ANKLE2: variants seen among roughly 807,000 people sequenced by gnomAD.
ANKLE2 encodes ankyrin repeat and LEM domain containing 2, also known as ankyrin repeat and LEM domain-containing protein 2.
Under a neutral mutation model 84.2 loss-of-function variants are expected in ANKLE2, and 55 were observed. The observed-to-expected ratio is 0.65, with a 90% CI of 0.53 to 0.82. The LOEUF is 0.82. Among genes scored for constraint, ANKLE2 ranks in the 40% least tolerant of loss-of-function variants. The pLI, the probability that ANKLE2 is intolerant of heterozygous loss-of-function variation, is 0.00. For synonymous variants in ANKLE2, 551 were observed against 486.1 expected (o/e 1.13, Z -1.76); for missense variants, 1,238 against 1,201.9 (o/e 1.03, Z -0.44).
chr12:132,740,965 C>T (rs766929152), intron 7 of ANKLE2, among the ~76,000 whole-genome samples: 3 of 150,390 alleles, frequency 2.0e-5, no homozygotes, highest in Non-Finnish European at 3.0e-5. Flanking sequence ...TGACAGGGAG[C>T]GACCCCCACC....
rs368798125 is a variant in ANKLE2, at chr12:132,754,761, G to T, written c.554C>A (p.Thr185Asn). ...TCSVPPSDTD[T>N]YRAGATASKE... is the part of the protein sequence containing the mutation. ...AGACGCAGTCGCTCCAGCTCTGTAGGTGTCGGTGTCACTAGGGGGCACCGA... is the reference window on the plus strand; with the variant it reads ...AGACGCAGTCGCTCCAGCTCTGTAGTTGTCGGTGTCACTAGGGGGCACCGA... Residue 185 changes from threonine (T) to asparagine (N), a missense_variant, in exon 2 of 13, where the codon ACC becomes AAC. Coordinates refer to ENST00000357997, the MANE Select transcript of ANKLE2 (RefSeq NM_015114.3). 6 of 1,613,994 alleles carry T rather than the reference G, an allele frequency of 3.7e-6. No homozygotes were observed. Among genetic ancestry groups the T allele is most frequent in the Non-Finnish European group, 5.1e-6 (6 of 1,180,032 alleles).
chr12:132,755,015 G>A lies in ANKLE2; in HGVS notation c.300C>T (p.Phe100=), dbSNP rs754509463. Residue 100 remains phenylalanine (F), a synonymous_variant, in exon 2 of 13, where the codon TTC becomes TTT. Coordinates refer to ENST00000357997, the MANE Select transcript of ANKLE2 (RefSeq NM_015114.3). The part of the protein sequence containing the change: ...KCGPITSTTR[F]IFEKKLAQAL... The stretch of plus-strand genomic sequence containing the variant: ...CCTGAGCCAATTTTTTCTCAAAAAT[G>A]AACCTTGTAGTTGATGTAATGGGTC... 1 of 1,614,056 alleles carries A rather than the reference G, an allele frequency of 6.2e-7. No individual in the cohort carries two copies.
Position 132,727,418 on chromosome 12 carries a change from T to A in ANKLE2, c.2641A>T (p.Arg881Trp). 1 of 1,559,340 alleles carries A rather than the reference T, an allele frequency of 6.4e-7. No homozygotes were observed. The highest frequency in any genetic ancestry group is 8.7e-7 in the Non-Finnish European group (1 of 1,151,520). Residue 881 changes from arginine to tryptophan, a missense_variant, in exon 13 of 13, where the codon AGG becomes TGG. Physicochemically the swap from Arg to Trp is moderately radical, Grantham distance 101. Around this residue, in one of 3 missense-constraint regions of ANKLE2, gnomAD observed 802 missense variants for 774.5 expected, o/e 1.04. Transcript: ENST00000357997. ...QSWPSPAVKGRFKSQLPDLSG... is the reference protein window; with the variant it reads ...QSWPSPAVKGWFKSQLPDLSG... ...AGATCTGGCAGCTGAGACTTGAACC[T>A]TCCTTTCACCGCGGGACTGGGCCAA...
intron 3 of ANKLE2, among the ~76,000 whole-genome samples, chr12:132,749,342 G>C (rs974491948): frequency 6.6e-6 from 1 of 151,678 alleles, no homozygotes; most frequent in Non-Finnish European, 1.5e-5. Context: ...TTTTAATAGA[G>C]ACGGGGTTTC....
At chr12:132,733,403 T>G (rs542867499) in intron 10 of ANKLE2, among the ~76,000 whole-genome samples, 2 of 148,878 alleles carry the variant, frequency 1.3e-5, no homozygotes, top group African/African-American at 5.0e-5. Flanking sequence ...TGTGAAGCTC[T>G]CTGCGTCCTG....
In ANKLE2 at chr12:132,750,896, G is replaced by GAGCTGTC. The variant is rs2044341276; in HGVS notation, c.641-54_641-48dup. 1.9e-6 allele frequency: 3 copies of GAGCTGTC among 1,550,154 alleles called. No individual in the cohort carries two copies. The Admixed American group carries it at 5.0e-5, about 26-fold the overall frequency. On this transcript the variant is annotated intron_variant, in intron 2 of 12. Transcript: ENST00000357997. ...TGAAAATCAGAGAAGAGTGACTGGA[G>GAGCTGTC]AGCTGTCACCTGGCCATGCCCTGGG...
chr12:132,753,548 G>A (rs748929979), intron 2 of ANKLE2, among the ~76,000 whole-genome samples: 1 of 152,050 alleles, frequency 6.6e-6, no homozygotes, highest in Non-Finnish European at 1.5e-5. Flanking sequence ...GGCAGATCAC[G>A]ACGTCAGGGG....
At chr12:132,747,093 T>A (rs989606709) in intron 5 of ANKLE2, among the ~76,000 whole-genome samples, 7 of 152,188 alleles carry the variant, frequency 4.6e-5, no homozygotes, top group African/African-American at 1.7e-4. Flanking sequence ...GCACTTCAGA[T>A]GAAATGACCC....
At chr12:132,740,686 C>G (rs927679307) in intron 7 of ANKLE2, among the ~76,000 whole-genome samples, 5 of 152,064 alleles carry the variant, frequency 3.3e-5, no homozygotes, top group Admixed American at 1.3e-4. Context: ...TCACTGAAAA[C>G]AGAGGAAGAT....
At chr12:132,749,195 G>A (rs1317745796) in intron 3 of ANKLE2, among the ~76,000 whole-genome samples, 1 of 151,532 alleles carries the variant, frequency 6.6e-6, no homozygotes, top group Non-Finnish European at 1.5e-5. Context: ...TTGCTCTTTC[G>A]CCCAGGCTGG....
chr12:132,727,325 G>C lies in ANKLE2; in HGVS notation c.2734C>G (p.Leu912Val). ...VAGSNPAKPG[L>V]GSPGRYSPVH... Reference sequence around the variant, plus strand: ...GGGCTGTAGCGCCCAGGACTGCCCAGGCCTGGCTTTGCGGGGTTGCTTCCA... The same window carrying C: ...GGGCTGTAGCGCCCAGGACTGCCCACGCCTGGCTTTGCGGGGTTGCTTCCA... The change falls in exon 13 of 13, where the codon CTG (leucine) becomes GTG (valine). Residue 912 changes from leucine to valine, a missense_variant. Physicochemically the swap from Leu to Val is conservative, Grantham distance 32. Coordinates refer to ENST00000357997, the MANE Select transcript of ANKLE2 (RefSeq NM_015114.3). The C allele has an allele frequency of 7.7e-6, 12 of 1,563,282 alleles. No individual in the cohort carries two copies. Among genetic ancestry groups the C allele is most frequent in the Non-Finnish European group, 1.0e-5 (12 of 1,154,296 alleles).
rs1156667352 is a variant in ANKLE2 at position 132,736,934 on chromosome 12, G to C, written c.1552C>G (p.Leu518Val). The change falls in exon 8 of 13, where the codon CTG (leucine) becomes GTG (valine). Residue 518 changes from leucine to valine, a missense_variant. Coordinates refer to ENST00000357997, the MANE Select transcript of ANKLE2 (RefSeq NM_015114.3). ...GGCCCTGCGAAGGCTCTCAGGGTCA[G>C]TACCGGGTCTCTGGGGCTGCCTCCA... ...RYGGSPRDPV[L>V]TLRAFAGPLS... 1 of 1,613,762 alleles carries C rather than the reference G, an allele frequency of 6.2e-7. No homozygotes were observed. Among genetic ancestry groups the C allele is most frequent in the Admixed American group, 1.7e-5 (1 of 60,028 alleles).
At chr12:132,741,930 T>C in intron 6 of ANKLE2, 1 of 433,848 alleles carries the variant, frequency 2.3e-6, no homozygotes, top group South Asian at 1.6e-5. Context: ...TTTTTGCCAC[T>C]AAAGAAATCA....
intron 3 of ANKLE2, 143 bp from the exon 4 acceptor site, chr12:132,748,474 G>C (rs533957052): frequency 1.6e-4 from 139 of 869,718 alleles, no homozygotes; most frequent in Middle Eastern, 1.6e-3. Context: ...AGACGAGAAG[G>C]GCCCACGGCC....
intron 5 of ANKLE2, among the ~76,000 whole-genome samples, chr12:132,746,348 C>CAAAAAAAAAAA (rs566130639): frequency 0.087 from 5,750 of 65,820 alleles, 301 homozygotes; most frequent in Non-Finnish European, 0.12. Context: ...GACTCTGTCT[C>CAAAAAAAAAAA]AAAAAAAAAA....
In ANKLE2 at chr12:132,755,104, G is replaced by C. The variant is rs1474456637; in HGVS notation, c.211C>G (p.Arg71Gly). The C allele has an allele frequency of 6.2e-7, 1 of 1,607,638 alleles. No homozygotes were observed. Among genetic ancestry groups the C allele is most frequent in the Non-Finnish European group, 8.5e-7 (1 of 1,178,858 alleles). ...GEMTMDALLA[R>G]LKLLNPDDLR... ...TCATCTGGATTCAGAAGTTTCAATC[G>C]AGCCAACAGAGCATCCATTGTCATT... Residue 71 changes from arginine (R) to glycine (G), a missense_variant, in exon 2 of 13, where the codon CGA becomes GGA. Physicochemically the swap from Arg to Gly is moderately radical, Grantham distance 125. Transcript: ENST00000357997.
intron 9 of ANKLE2, chr12:132,734,840 C>G (rs1043894477): frequency 2.2e-6 from 1 of 449,612 alleles, no homozygotes; most frequent in Non-Finnish European, 3.9e-6. Context: ...CCGACAGACC[C>G]TCACGCCAGC....
In ANKLE2 at chr12:132,726,898, T is replaced by C. The variant is rs2043709991; in HGVS notation, c.*344A>G. ...CATCCACAGCGTCTGTCGGATGAGG[T>C]GAGTACAGGGTAAGTACAGGGCTGC... is the stretch of plus-strand genomic sequence containing the variant. On this transcript the variant is annotated 3_prime_UTR_variant, in exon 13 of 13. Transcript: ENST00000357997. The C allele has an allele frequency of 4.3e-6, 1 of 233,106 alleles. No individual in the cohort carries two copies. Among genetic ancestry groups the C allele is most frequent in the East Asian group, 8.4e-5 (1 of 11,892 alleles). 14.4% of individuals were successfully genotyped at this position (233,106 alleles called of 1,614,324 possible).
intron 5 of ANKLE2, among the ~76,000 whole-genome samples, chr12:132,746,575 T>C (rs778248746): frequency 2.6e-5 from 4 of 152,284 alleles, no homozygotes; most frequent in East Asian, 1.9e-4. Context: ...AACTGCCCAA[T>C]TGTTGTACTA....
Sources: allele counts gnomAD v4.1 joint callset (sites outside exome capture counted in the v4.1 genomes callset), GRCh38; gene constraint gnomAD v4.1.1; regional missense constraint gnomAD v4.1.1; transcripts MANE v1.5; gene names NCBI Gene and HGNC (gene_info 2026-07-23, HGNC 2026-07-21).